Variants in CDH13 observed in about 807,000 individuals in gnomAD.
CDH13 encodes cadherin-13.
In CDH13, 24 loss-of-function variants were observed where a neutral mutation model predicts 63.8. The observed-to-expected ratio is 0.38, with a 90% CI of 0.27 to 0.53. The LOEUF is 0.53. CDH13 is among the 20% of genes least tolerant of loss of function. The pLI, the probability that CDH13 is intolerant of heterozygous loss-of-function variation, is 0.85. For synonymous variants in CDH13, 503 were observed against 355.3 expected (o/e 1.42, Z -4.67); for missense variants, 1,049 against 903.1 (o/e 1.16, Z -2.07).
At chr16:83,368,598 T>C (rs1482798103) in intron 6 of CDH13, among the ~76,000 whole-genome samples, 2 of 152,000 alleles carry the variant, frequency 1.3e-5, no homozygotes, top group Non-Finnish European at 2.9e-5. Context: ...CCGTGATTTC[T>C]GAGATTTTGG....
rs189312073 is a variant in CDH13, at chr16:83,557,806, C to T, written c.961-44648C>T. On this transcript the variant is annotated intron_variant, in intron 7 of 13. Coordinates refer to ENST00000567109, the MANE Select transcript of CDH13 (RefSeq NM_001257.5). ...CCCAGTAGCACCCAATTTCAGACTT[C>T]CCCAGCCACCTGTGACTTAGAGTGA... 4.1e-3 allele frequency among the ~76,000 whole-genome samples: 624 copies of T among 152,206 alleles called. 3 individuals are homozygous for T. The highest frequency in any genetic ancestry group is 0.011 in the Admixed American group (167 of 15,292).
At chr16:83,244,911 C>T (rs917795597) in intron 5 of CDH13, among the ~76,000 whole-genome samples, 1 of 152,128 alleles carries the variant, frequency 6.6e-6, no homozygotes, top group Non-Finnish European at 1.5e-5. Flanking sequence ...TTCCAAATCC[C>T]TGACCTCCAG....
intron 1 of CDH13, among the ~76,000 whole-genome samples, chr16:82,659,887 C>T (rs1202424748): frequency 6.6e-6 from 1 of 152,154 alleles, no homozygotes; most frequent in Non-Finnish European, 1.5e-5. Context: ...GCCCCATCCT[C>T]ACTGTGAAAT....
intron 5 of CDH13, among the ~76,000 whole-genome samples, chr16:83,218,460 A>G (rs1295041999): frequency 6.9e-6 from 1 of 144,956 alleles, no homozygotes; most frequent in Non-Finnish European, 1.5e-5. Context: ...CCCAACTTAT[A>G]CTCAAGGGGG....
intron 7 of CDH13, among the ~76,000 whole-genome samples, chr16:83,574,495 A>AG (rs1454841826): frequency 6.6e-6 from 1 of 152,178 alleles, no homozygotes; most frequent in African/African-American, 2.4e-5. Flanking sequence ...GGTCTGGATT[A>AG]GGTGTGTCAC....
chr16:82,636,218 T>G (rs1178181983), intron 1 of CDH13, among the ~76,000 whole-genome samples: 1 of 152,044 alleles, frequency 6.6e-6, no homozygotes, highest in Non-Finnish European at 1.5e-5. Flanking sequence ...ACTCTTCCAA[T>G]TGGCAGGAAG....
At chr16:83,492,503 T>A (rs560745271) in intron 7 of CDH13, among the ~76,000 whole-genome samples, 171 of 152,320 alleles carry the variant, frequency 1.1e-3, no homozygotes, top group African/African-American at 3.8e-3. Flanking sequence ...CCATTTTTTT[T>A]ATCACTTGCT....
At chr16:83,707,967 T>C (rs1454353615) in intron 10 of CDH13, among the ~76,000 whole-genome samples, 1 of 151,782 alleles carries the variant, frequency 6.6e-6, no homozygotes, top group Non-Finnish European at 1.5e-5. Context: ...GCAAGGGGAA[T>C]GGGGAGCAGC....
At chr16:83,216,683 C>G (rs1253548171) in intron 4 of CDH13, among the ~76,000 whole-genome samples, 4 of 143,206 alleles carry the variant, frequency 2.8e-5, no homozygotes, top group Non-Finnish European at 6.0e-5. Context: ...TATAAAACCC[C>G]TAAATTGAGG....
At chr16:82,838,734 T>G (rs1392279786) in intron 1 of CDH13, among the ~76,000 whole-genome samples, 2 of 152,212 alleles carry the variant, frequency 1.3e-5, no homozygotes, top group Admixed American at 1.3e-4. Flanking sequence ...TGGCCTAGGT[T>G]GTCCCAGTAC....
intron 4 of CDH13, among the ~76,000 whole-genome samples, chr16:83,217,009 TA>T (rs1414562475): frequency 6.6e-6 from 1 of 152,100 alleles, no homozygotes; most frequent in Admixed American, 6.6e-5. Context: ...TGCAGATAAA[TA>T]TTTTTTTGAA....
At chr16:83,050,443 TG>T (rs2030183698) in intron 3 of CDH13, among the ~76,000 whole-genome samples, 2 of 152,164 alleles carry the variant, frequency 1.3e-5, no homozygotes, top group Non-Finnish European at 2.9e-5. Flanking sequence ...CTCTTCCGTT[TG>T]CTGTTTAAGA....
At chr16:82,790,626 A>C (rs1332082287) in intron 1 of CDH13, among the ~76,000 whole-genome samples, 1 of 152,140 alleles carries the variant, frequency 6.6e-6, no homozygotes, top group Non-Finnish European at 1.5e-5. Flanking sequence ...AATACCGGAG[A>C]CTAGGTAATT....
intron 3 of CDH13, among the ~76,000 whole-genome samples, chr16:83,121,794 T>A (rs1361298940): frequency 2.0e-5 from 3 of 152,198 alleles, no homozygotes; most frequent in African/African-American, 7.2e-5. Flanking sequence ...ATATGTGCAT[T>A]CATAAAGCTC....
chr16:83,412,877 C>G lies in CDH13; in HGVS notation c.781+67871C>G, dbSNP rs533059606. ...CCCAGAACAGTAAACAGTGTAAATT[C>G]TCAAAAGGGGGTTTATTTCATGTTA... On this transcript the variant is annotated intron_variant, in intron 6 of 13. Coordinates refer to ENST00000567109, the MANE Select transcript of CDH13 (RefSeq NM_001257.5). 9.8e-5 allele frequency among the ~76,000 whole-genome samples: 15 copies of G among 152,286 alleles called. No individual in the cohort carries two copies. The East Asian group carries it at 2.7e-3, about 27-fold the overall frequency.
chr16:82,767,405 CTT>C (rs758091844), intron 1 of CDH13, among the ~76,000 whole-genome samples: 1 of 152,232 alleles, frequency 6.6e-6, no homozygotes, highest in Non-Finnish European at 1.5e-5. Context: ...AGCACATACT[CTT>C]TTATGTAAGG....
At chr16:83,358,044 C>T (rs2091091190) in intron 6 of CDH13, among the ~76,000 whole-genome samples, 2 of 152,124 alleles carry the variant, frequency 1.3e-5, no homozygotes, top group Non-Finnish European at 1.5e-5. Context: ...CTTCAAGAAG[C>T]TAGAAAACAA....
intron 3 of CDH13, among the ~76,000 whole-genome samples, chr16:83,034,537 A>C (rs533314956): frequency 6.6e-6 from 1 of 152,348 alleles, no homozygotes; most frequent in South Asian, 2.1e-4. Context: ...ATTATGTGGC[A>C]AATATCTAAA....
chr16:83,530,083 C>A (rs1002509382), intron 7 of CDH13, among the ~76,000 whole-genome samples: 1 of 152,162 alleles, frequency 6.6e-6, no homozygotes, highest in African/African-American at 2.4e-5. Flanking sequence ...GTCTGTCTTC[C>A]TTCTAAACCC....
Sources: allele counts gnomAD v4.1 joint callset (sites outside exome capture counted in the v4.1 genomes callset), GRCh38; gene constraint gnomAD v4.1.1; transcripts MANE v1.5; gene names NCBI Gene and HGNC (gene_info 2026-07-23, HGNC 2026-07-21).